ZNF536: variants seen among roughly 807,000 people sequenced by gnomAD.
ZNF536 encodes the protein zinc finger protein 536.
A neutral mutation model predicts 84.5 loss-of-function variants in ZNF536; 13 were observed. The ratio of observed to expected loss-of-function variants is 0.15; its 90% CI spans 0.10 to 0.24. The LOEUF (loss-of-function observed/expected upper bound fraction) is 0.24. Among genes scored for constraint, ZNF536 ranks in the 10% least tolerant of loss-of-function variants. The pLI is 1.00. For synonymous variants in ZNF536, 811 were observed against 742.5 expected, an observed-to-expected ratio of 1.09 and a Z score of -1.50; for missense variants, 1,536 against 1,747.5, an observed-to-expected ratio of 0.88 and a Z score of 2.16.
chr19:30,244,714 C>T (rs909925118), intron 1 of ZNF536, among the ~76,000 whole-genome samples: 3 of 152,342 alleles, frequency 2.0e-5, no homozygotes, highest in African/African-American at 7.2e-5. Context: ...GATGCTTCTC[C>T]CTCTAGGGGA....
At chr19:30,547,370 C>T (rs1461212272) in intron 3 of ZNF536, among the ~76,000 whole-genome samples, 1 of 152,104 alleles carries the variant, frequency 6.6e-6, no homozygotes, top group African/African-American at 2.4e-5. Context: ...TATCTGAGCC[C>T]GTCTGGAATG....
chr19:30,655,719 T>C (rs1216324062), intron 1 of ZNF536, among the ~76,000 whole-genome samples: 1 of 152,200 alleles, frequency 6.6e-6, no homozygotes, highest in African/African-American at 2.4e-5. Context: ...TTTTGCTCTT[T>C]AGTGTCTTTT....
chr19:30,375,342 C>G (rs1410375368), intron 1 of ZNF536, among the ~76,000 whole-genome samples: 2 of 151,910 alleles, frequency 1.3e-5, no homozygotes, highest in East Asian at 1.9e-4. Flanking sequence ...TTAGAGGCGC[C>G]GTCACCGCGC....
chr19:30,327,280 G>T (rs999981390), intron 2 of ZNF536, among the ~76,000 whole-genome samples: 1 of 152,050 alleles, frequency 6.6e-6, no homozygotes, highest in Non-Finnish European at 1.5e-5. Context: ...TTCAGACCTC[G>T]GGCTCAGGGC....
chr19:30,679,920 A>G (rs908773779), intron 1 of ZNF536, among the ~76,000 whole-genome samples: 56 of 152,196 alleles, frequency 3.7e-4, no homozygotes, highest in African/African-American at 1.3e-3. Flanking sequence ...CCAGATGCAC[A>G]GGTGAACGAG....
At chr19:30,407,577 CT>C (rs1403685117) in intron 1 of ZNF536, among the ~76,000 whole-genome samples, 1 of 152,234 alleles carries the variant, frequency 6.6e-6, no homozygotes, top group Non-Finnish European at 1.5e-5. Context: ...ACAGGCTTCA[CT>C]TTGGGGTTTC....
At chr19:30,408,903 A>G (rs1413838074) in intron 1 of ZNF536, among the ~76,000 whole-genome samples, 1 of 150,346 alleles carries the variant, frequency 6.7e-6, no homozygotes, top group East Asian at 2.0e-4. Context: ...TCATCCATCT[A>G]TTCATCTGTC....
At chr19:30,240,374 G>GAA (rs11401648) in intron 1 of ZNF536, among the ~76,000 whole-genome samples, 135 of 147,140 alleles carry the variant, frequency 9.2e-4, no homozygotes, top group Middle Eastern at 3.4e-3. Context: ...CTCTATCTCA[G>GAA]AAAAAAAAAA....
At chr19:30,419,940 G>C (rs2050883313) in intron 1 of ZNF536, among the ~76,000 whole-genome samples, 1 of 152,216 alleles carries the variant, frequency 6.6e-6, no homozygotes, top group Non-Finnish European at 1.5e-5. Context: ...TCCCATCCGG[G>C]TGCTGCTTCT....
At chr19:30,393,031 G>C (rs900759451) in intron 1 of ZNF536, among the ~76,000 whole-genome samples, 1 of 152,126 alleles carries the variant, frequency 6.6e-6, no homozygotes, top group Admixed American at 6.5e-5. Context: ...AAATATTAAC[G>C]ACACCTACTG....
intron 2 of ZNF536, among the ~76,000 whole-genome samples, chr19:30,314,549 C>T (rs980843717): frequency 7.2e-5 from 11 of 152,230 alleles, no homozygotes; most frequent in Middle Eastern, 3.4e-3. Flanking sequence ...GCCTTGTAGG[C>T]GCAGCACCAG....
At position 30,480,297 on chromosome 19, in the gene ZNF536, A is replaced by G. The variant is rs147322672; in HGVS notation, c.2170+34565A>G. ...CGGGACCTCTCCTTGCAGGGCAGAC[A>G]GAACAATCCCTTCTCCTCTTCTCCT... On this transcript the variant is annotated intron_variant, in intron 2 of 4. Transcript: ENST00000355537. Among the ~76,000 whole-genome samples, 977 of 152,330 alleles carry G rather than the reference A, an allele frequency of 6.4e-3. 12 individuals carry two copies. Among genetic ancestry groups the G allele is most frequent in the African/African-American group, 0.022 (911 of 41,570 alleles).
At chr19:30,415,162 C>T (rs2050661467) in intron 1 of ZNF536, among the ~76,000 whole-genome samples, 1 of 113,134 alleles carries the variant, frequency 8.8e-6, no homozygotes, top group Non-Finnish European at 1.8e-5. Flanking sequence ...CCCCCTCCCC[C>T]TGCCCCCTGT....
At chr19:30,575,723 G>C (rs1002561381) in intron 1 of ZNF536, among the ~76,000 whole-genome samples, 1 of 152,226 alleles carries the variant, frequency 6.6e-6, no homozygotes, top group Non-Finnish European at 1.5e-5. Context: ...GGAGTGCCGG[G>C]GGTGCTGCTA....
At chr19:30,456,729 A>G (rs1310814102) in intron 2 of ZNF536, among the ~76,000 whole-genome samples, 1 of 152,172 alleles carries the variant, frequency 6.6e-6, no homozygotes, top group Non-Finnish European at 1.5e-5. Context: ...TGAGCAAGGC[A>G]TCAGGTGCTG....
chr19:30,359,534 G>A (rs920990315), intron 3 of ZNF536, among the ~76,000 whole-genome samples: 1 of 152,272 alleles, frequency 6.6e-6, no homozygotes, highest in Middle Eastern at 3.4e-3. Context: ...ATCTTCTGGG[G>A]GAGGCAGTCA....
chr19:30,630,721 A>G (rs2048857525), intron 1 of ZNF536, among the ~76,000 whole-genome samples: 1 of 152,174 alleles, frequency 6.6e-6, no homozygotes, highest in South Asian at 2.1e-4. Flanking sequence ...AGTCTGGGTC[A>G]CTGTCAGGAC....
chr19:30,366,952 C>T (rs1439197775), intron 3 of ZNF536, among the ~76,000 whole-genome samples: 1 of 152,214 alleles, frequency 6.6e-6, no homozygotes, highest in Non-Finnish European at 1.5e-5. Flanking sequence ...GACACTGAGT[C>T]CCATGGAGAT....
At chr19:30,363,719 G>T (rs1034671277) in intron 3 of ZNF536, among the ~76,000 whole-genome samples, 1 of 152,166 alleles carries the variant, frequency 6.6e-6, no homozygotes. Flanking sequence ...TAATTGTTGT[G>T]CACTTCCTCT....
Sources: gnomAD v4.1 joint callset for allele counts (sites outside exome capture counted in the v4.1 genomes callset) on GRCh38, gnomAD v4.1.1 for gene constraint, MANE v1.5 for transcripts, NCBI Gene and HGNC (gene_info 2026-07-23, HGNC 2026-07-21) for gene names.